The following COL5A3 variants were observed in gnomAD, a reference collection of about 807,000 sequenced individuals.
The protein encoded by COL5A3 is collagen type V alpha 3 chain, also known as collagen alpha-3(V) chain.
In COL5A3, 172 loss-of-function variants were observed where a neutral mutation model predicts 250.0. The ratio of observed to expected loss-of-function variants is 0.69; its 90% CI spans 0.61 to 0.78. The LOEUF (loss-of-function observed/expected upper bound fraction) is 0.78, where lower values mean the gene tolerates loss of function less well. Ranked by LOEUF, COL5A3 falls within the 30% of genes least tolerant of loss-of-function variation. COL5A3 has a pLI of 0.00. For synonymous variants in COL5A3, 937 were observed against 900.4 expected, an observed-to-expected ratio of 1.04 and a Z score of -0.73; for missense variants, 2,340 against 2,334.4, an observed-to-expected ratio of 1.00 and a Z score of -0.05.
Position 9,991,844 on chromosome 19 carries a change from G to T in COL5A3, c.1894-3C>A. On this transcript the variant is annotated splice_region_variant and splice_polypyrimidine_tract_variant and intron_variant, in intron 22 of 66. Transcript: ENST00000264828. ...GGGCCTGGTTCTCCTGGAGGACCCT[G>T]GGGAGAAAGTGGGGTTTCAGTGAAG... 6.2e-7 allele frequency: 1 copy of T among 1,608,920 alleles called. No individual in the cohort carries two copies. The highest frequency in any genetic ancestry group is 8.5e-7 in the Non-Finnish European group (1 of 1,177,606).
intron 18 of COL5A3, 84 bp from the exon 19 acceptor site, chr19:9,993,517 G>A: frequency 6.3e-7 from 1 of 1,576,464 alleles, no homozygotes; most frequent in Non-Finnish European, 8.7e-7. Flanking sequence ...GGGGTGTGAG[G>A]AGGGACACAG....
At chr19:10,005,326 G>T (rs2087426118) in intron 4 of COL5A3, among the ~76,000 whole-genome samples, 1 of 150,754 alleles carries the variant, frequency 6.6e-6, no homozygotes. Flanking sequence ...CTCCAGCCTG[G>T]GTGACAGAGC....
Position 9,993,776 on chromosome 19 carries a change from G to A in COL5A3, c.1618C>T (p.Leu540Phe), listed in dbSNP as rs780104479. The change falls in exon 17 of 67, where the codon CTC becomes TTC. Residue 540 changes from leucine (L) to phenylalanine (F), a missense_variant. Around this residue, in one of 3 missense-constraint regions of COL5A3, gnomAD observed 1,152 missense variants for 1,146.3 expected, o/e 1.00. Transcript: ENST00000264828. Reference sequence around the variant, plus strand: ...ACCTTAGGTCCAGTGTCCCCTGGGAGGCCCCGAGCTCCATCTGCTCCAGGG... The same window carrying A: ...ACCTTAGGTCCAGTGTCCCCTGGGAAGCCCCGAGCTCCATCTGCTCCAGGG... Reference protein sequence around the residue: ...GRPGADGARGLPGDTGPKGDR... With the variant: ...GRPGADGARGFPGDTGPKGDR... 1 of 1,614,154 alleles carries A rather than the reference G, an allele frequency of 6.2e-7. No homozygotes were observed. Among genetic ancestry groups the A allele is most frequent in the Non-Finnish European group, 8.5e-7 (1 of 1,180,022 alleles).
At position 9,960,221 on chromosome 19, in the gene COL5A3, A is replaced by C; in HGVS notation, c.*190T>G. The stretch of plus-strand genomic sequence containing the variant: ...CTGGAATGGGGTGAGAGGAGGCTGG[A>C]CCCTTGGGCCAGGGAACCCCAGCCC... On this transcript the variant is annotated 3_prime_UTR_variant, in exon 67 of 67. Coordinates refer to ENST00000264828, the MANE Select transcript of COL5A3 (RefSeq NM_015719.4). 1 of 668,806 alleles carries C rather than the reference A, an allele frequency of 1.5e-6. No homozygotes were observed. Among genetic ancestry groups the C allele is most frequent in the Non-Finnish European group, 2.5e-6 (1 of 399,944 alleles). The allele number at this position is 668,806 out of a possible 1,614,324, so 41.4% of individuals were successfully genotyped here.
intron 64 of COL5A3, 46 bp from the exon 65 acceptor site, chr19:9,962,933 C>A (rs772405599): frequency 1.4e-6 from 2 of 1,403,640 alleles, no homozygotes; most frequent in Non-Finnish European, 1.0e-6. Flanking sequence ...CCCTTGGTGC[C>A]ATCTAGATCT....
At position 9,985,829 on chromosome 19, in the gene COL5A3, C is replaced by T. The variant is rs1213878205; in HGVS notation, c.2406+13G>A. 2.2e-5 allele frequency: 36 copies of T among 1,611,634 alleles called. No homozygotes were observed. Among genetic ancestry groups the T allele is most frequent in the Non-Finnish European group, 2.9e-5 (34 of 1,178,420 alleles). On this transcript the variant is annotated intron_variant, in intron 31 of 66. Transcript: ENST00000264828. ...CCCATATCCATCTCCACCCCCCACCCCCAGCTTCCTACCTTAGGTCCAGGG... is the reference window on the plus strand; with the variant it reads ...CCCATATCCATCTCCACCCCCCACCTCCAGCTTCCTACCTTAGGTCCAGGG...
chr19:10,006,190 G>C lies in COL5A3; in HGVS notation c.130C>G (p.Gln44Glu), dbSNP rs1384433577. 1.2e-6 allele frequency: 2 copies of C among 1,606,304 alleles called. No homozygotes were observed. Among genetic ancestry groups the C allele is most frequent in the South Asian group, 1.1e-5 (1 of 89,824 alleles). Residue 44 changes from glutamine to glutamate, a missense_variant, in exon 2 of 67, where the codon CAG becomes GAG. This residue lies in a region of COL5A3 where 1,152 missense variants were observed against 1,146.3 expected (regional missense o/e 1.00). Coordinates refer to ENST00000264828, the MANE Select transcript of COL5A3 (RefSeq NM_015719.4). ...CCAGGCCCCTCGGGGACCCCAGCCTGGCCTCCCTGCACACCCAGGGCCTTC... is the reference window on the plus strand; with the variant it reads ...CCAGGCCCCTCGGGGACCCCAGCCTCGCCTCCCTGCACACCCAGGGCCTTC... ...VLKALGVQGGQAGVPEGPGFC... is the reference protein window; with the variant it reads ...VLKALGVQGGEAGVPEGPGFC...
Position 9,979,370 on chromosome 19 carries a change from G to A in COL5A3, c.2760C>T (p.Gly920=). ...TGPPGPAGVL[G]PQGKTGEVGP... The stretch of plus-strand genomic sequence containing the variant: ...TTATGGAGTCCACTCTGACCTGAGG[G>A]CCTAAGACACCAGCTGGTCCAGGCG... Residue 920 remains glycine, a synonymous_variant, in exon 38 of 67, where the codon GGC becomes GGT. Coordinates refer to ENST00000264828, the MANE Select transcript of COL5A3 (RefSeq NM_015719.4). The A allele has an allele frequency of 6.2e-7, 1 of 1,614,106 alleles. No individual in the cohort carries two copies. The highest frequency in any genetic ancestry group is 8.5e-7 in the Non-Finnish European group (1 of 1,180,006).
At position 9,996,235 on chromosome 19, in the gene COL5A3, C is replaced by A. The variant is rs1011908233; in HGVS notation, c.1450G>T (p.Val484Leu). 1.3e-6 allele frequency: 2 copies of A among 1,577,750 alleles called. No homozygotes were observed. Among genetic ancestry groups the A allele is most frequent in the Admixed American group, 1.9e-5 (1 of 52,532 alleles). The change falls in exon 14 of 67, where the codon GTG becomes TTG. Residue 484 changes from valine to leucine, a missense_variant. This residue lies in a region of COL5A3 where 1,152 missense variants were observed against 1,146.3 expected (regional missense o/e 1.00). Transcript: ENST00000264828. ...GGGCCTGGGCGCCCAGTGAGCCCCACTGGACCAGGGGGGCCTTTCATAGAG... is the reference window on the plus strand; with the variant it reads ...GGGCCTGGGCGCCCAGTGAGCCCCAATGGACCAGGGGGGCCTTTCATAGAG... Reference protein sequence around the residue: ...QLSMKGPPGPVGLTGRPGPVG... With the variant: ...QLSMKGPPGPLGLTGRPGPVG...
intron 8 of COL5A3, 78 bp downstream of exon 8, chr19:10,001,446 C>T: frequency 6.8e-7 from 1 of 1,469,368 alleles, no homozygotes; most frequent in South Asian, 1.3e-5. Context: ...TGCGCCCTGC[C>T]TAAATAAATA....
At position 9,960,471 on chromosome 19, in the gene COL5A3, G is replaced by T. The variant is rs2086656806; in HGVS notation, c.5178C>A (p.Asp1726Glu). 1 of 1,614,088 alleles carries T rather than the reference G, an allele frequency of 6.2e-7. No individual in the cohort carries two copies. Among genetic ancestry groups the T allele is most frequent in the South Asian group, 1.1e-5 (1 of 91,088 alleles). Residue 1726 changes from aspartate (D) to glutamate (E), a missense_variant, in exon 67 of 67, where the codon GAC (aspartate) becomes GAA (glutamate). This residue lies in a region of COL5A3 where 1,179 missense variants were observed against 1,162.6 expected (regional missense o/e 1.01). Coordinates refer to ENST00000264828, the MANE Select transcript of COL5A3 (RefSeq NM_015719.4). The part of the protein sequence containing the change: ...FLPLWDVAAT[D>E]FGQTNQKFGF... Reference sequence around the variant, plus strand: ...CAAACTTTTGGTTCGTCTGGCCAAAGTCAGTGGCCGCCACATCCCACAGGG... The same window carrying T: ...CAAACTTTTGGTTCGTCTGGCCAAATTCAGTGGCCGCCACATCCCACAGGG...
At position 9,969,866 on chromosome 19, in the gene COL5A3, C is replaced by G. The variant is rs369507324; in HGVS notation, c.3990+3G>C. ...GACCCTTCCCCTTGCCAGGGGGACT[C>G]ACCTTGGCACCTTTCTCCCCTTCTC... On this transcript the variant is annotated splice_donor_region_variant and intron_variant, in intron 55 of 66. Transcript: ENST00000264828. 1.2e-6 allele frequency: 2 copies of G among 1,613,808 alleles called. No individual in the cohort carries two copies. The highest frequency in any genetic ancestry group is 1.7e-6 in the Non-Finnish European group (2 of 1,179,910).
rs371369991 is a variant in COL5A3 at position 9,966,334 on chromosome 19, G to C, written c.4762C>G (p.Pro1588Ala). Reference sequence around the variant, plus strand: ...CTCACGATCTCAAACTTCTTGTCGGGATAGAGGCAGGTCTCTCCTCCCGCC... The same window carrying C: ...CTCACGATCTCAAACTTCTTGTCGGCATAGAGGCAGGTCTCTCCTCCCGCC... The part of the protein sequence containing the change: ...FTAGGETCLY[P>A]DKKFEIVKLA... Residue 1588 changes from proline (P) to alanine (A), a missense_variant, in exon 64 of 67, where the codon CCC (proline) becomes GCC (alanine). By Grantham distance (27) the Pro-to-Ala change is conservative (BLOSUM62 -1). This residue lies in a region of COL5A3 where 1,179 missense variants were observed against 1,162.6 expected (regional missense o/e 1.01). Transcript: ENST00000264828. 8 of 1,606,898 alleles carry C rather than the reference G, an allele frequency of 5.0e-6. No homozygotes were observed. The African/African-American group carries it at 9.4e-5, about 19-fold the overall frequency.
Position 9,991,638 on chromosome 19 carries a change from T to C in COL5A3, c.1964A>G (p.Gln655Arg). 2 of 1,609,238 alleles carry C rather than the reference T, an allele frequency of 1.2e-6. No individual in the cohort carries two copies. Among genetic ancestry groups the C allele is most frequent in the Non-Finnish European group, 1.7e-6 (2 of 1,177,646 alleles). Reference protein sequence around the residue: ...NHGSQGLPGPQGLIGTPGEKG... With the variant: ...NHGSQGLPGPRGLIGTPGEKG... The stretch of plus-strand genomic sequence containing the variant: ...CTCCCCAGGAGTGCCAATGAGTCCC[T>C]GGGGACCGGGGAGTCCCTGGAGACA... Residue 655 changes from glutamine to arginine, a missense_variant, in exon 24 of 67, where the codon CAG becomes CGG. Physicochemically the swap from Gln to Arg is conservative, Grantham distance 43. Transcript: ENST00000264828.
intron 45 of COL5A3, 108 bp from the exon 46 acceptor site, chr19:9,974,516 T>A: frequency 2.4e-6 from 2 of 821,676 alleles, no homozygotes; most frequent in Non-Finnish European, 1.8e-6. Context: ...GGGTTCAGAT[T>A]AAGTTTAGAG....
chr19:9,974,224 C>T lies in COL5A3; in HGVS notation c.3451G>A (p.Gly1151Arg). The change falls in exon 47 of 67, where the codon GGG (glycine) becomes AGG (arginine). Residue 1151 changes from glycine to arginine, a missense_variant and splice_region_variant. Transcript: ENST00000264828. ...VGVIGPPGLQGLPGPPGEKGE... is the reference protein window; with the variant it reads ...VGVIGPPGLQRLPGPPGEKGE... ...TTCTCTCCCGGAGGGCCTGGCAGCC[C>T]CTGTGGAACAAAGAAGCAAGATTGG... 6.2e-7 allele frequency: 1 copy of T among 1,613,938 alleles called. No individual in the cohort carries two copies. Among genetic ancestry groups the T allele is most frequent in the East Asian group, 2.2e-5 (1 of 44,866 alleles).
At chr19:9,983,854 G>GAAA (rs58267123) in intron 31 of COL5A3, among the ~76,000 whole-genome samples, 3 of 137,978 alleles carry the variant, frequency 2.2e-5, no homozygotes, top group Non-Finnish European at 4.8e-5. Context: ...TCGTTAAAAA[G>GAAA]AAAAAAAAAT....
chr19:9,995,230 T>C (rs535554331), intron 16 of COL5A3, among the ~76,000 whole-genome samples: 2 of 152,320 alleles, frequency 1.3e-5, no homozygotes, highest in Non-Finnish European at 1.5e-5. Flanking sequence ...AGCATCATTA[T>C]GTGGTGCATG....
At chr19:9,969,461 C>T (rs374132822) in intron 56 of COL5A3, 59 bp from the exon 57 acceptor site, 3 of 1,594,084 alleles carry the variant, frequency 1.9e-6, no homozygotes, top group Admixed American at 1.8e-5. Flanking sequence ...GTGTGGACCC[C>T]CCCCCGACCA....
Sources: gnomAD v4.1 joint callset for allele counts (sites outside exome capture counted in the v4.1 genomes callset) on GRCh38, gnomAD v4.1.1 for gene constraint, gnomAD v4.1.1 regional missense constraint, MANE v1.5 for transcripts, NCBI Gene and HGNC (gene_info 2026-07-23, HGNC 2026-07-21) for gene names.